DUS2: variants seen among roughly 807,000 people sequenced by gnomAD.
The protein encoded by DUS2 is tRNA-dihydrouridine(20) synthase [NAD(P)+]-like.
In DUS2, 52 loss-of-function variants were observed where a neutral mutation model predicts 71.3. The observed-to-expected ratio is 0.73, with a 90% confidence interval of 0.58 to 0.92. The LOEUF is 0.92. Ranked by LOEUF, DUS2 falls within the 40% of genes least tolerant of loss-of-function variation. The pLI is 0.00. For missense variants in DUS2, 558 were observed against 622.6 expected, an observed-to-expected ratio of 0.90 and a Z score of 1.10; for synonymous variants, 204 against 227.8, an observed-to-expected ratio of 0.90 and a Z score of 0.94.
At position 68,025,445 on chromosome 16, in the gene DUS2, C is replaced by T. The variant is rs1273644687; in HGVS notation, c.-68C>T. 1 of 152,058 alleles carries T rather than the reference C, an allele frequency of 6.6e-6. No individual in the cohort carries two copies. Among genetic ancestry groups the T allele is most frequent in the Non-Finnish European group, 1.5e-5 (1 of 68,028 alleles). 9.4% of individuals were successfully genotyped at this position (152,058 alleles called of 1,614,324 possible). On this transcript the variant is annotated 5_prime_UTR_variant, in exon 2 of 17. Transcript: ENST00000565263. Reference sequence around the variant, plus strand: ...AAACAAAGAATTACTCTGTACAAAGCCAGAACACATATATCAAAGTAATCC... The same window carrying T: ...AAACAAAGAATTACTCTGTACAAAGTCAGAACACATATATCAAAGTAATCC...
intron 2 of DUS2, among the ~76,000 whole-genome samples, chr16:68,030,516 C>T (rs941703811): frequency 1.7e-4 from 26 of 151,946 alleles, no homozygotes; most frequent in African/African-American, 6.3e-4. Context: ...GCTCGAACCT[C>T]GGAGGTGGAG....
intron 4 of DUS2, among the ~76,000 whole-genome samples, chr16:68,051,792 A>G (rs1236742077): frequency 6.6e-6 from 1 of 152,234 alleles, no homozygotes; most frequent in Non-Finnish European, 1.5e-5. Context: ...ATGCCGAAAC[A>G]AAGCTTATTC....
At chr16:68,076,748 A>G (rs1006040080) in intron 15 of DUS2, 29 bp downstream of exon 15, 1 of 1,570,162 alleles carries the variant, frequency 6.4e-7, no homozygotes. Context: ...CCTGCCCTGC[A>G]GCCAGTCACA....
At chr16:68,037,698 T>C (rs2033553219) in intron 2 of DUS2, among the ~76,000 whole-genome samples, 1 of 151,982 alleles carries the variant, frequency 6.6e-6, no homozygotes, top group Admixed American at 6.6e-5. Flanking sequence ...GGATTACAGA[T>C]GTGAACCATC....
intron 8 of DUS2, among the ~76,000 whole-genome samples, chr16:68,063,432 T>G (rs916475558): frequency 2.0e-5 from 3 of 152,210 alleles, no homozygotes; most frequent in Non-Finnish European, 4.4e-5. Flanking sequence ...GATTCTTGTT[T>G]GGGGTTATGA....
chr16:68,042,860 C>T (rs896260092), intron 3 of DUS2, among the ~76,000 whole-genome samples: 8 of 152,002 alleles, frequency 5.3e-5, no homozygotes, highest in Non-Finnish European at 8.8e-5. Flanking sequence ...AGGCATGCAC[C>T]ACTACACCTG....
chr16:68,028,286 A>T (rs539876659), intron 2 of DUS2, among the ~76,000 whole-genome samples: 29 of 152,212 alleles, frequency 1.9e-4, no homozygotes, highest in African/African-American at 6.3e-4. Context: ...TATACCTCAC[A>T]CGCTGCCTTG....
intron 10 of DUS2, 72 bp from the exon 11 acceptor site, chr16:68,070,062 T>G (rs2034061620): frequency 1.6e-5 from 22 of 1,395,126 alleles, no homozygotes; most frequent in African/African-American, 4.2e-5. Context: ...AAGGTTTGGC[T>G]GAGGTAACCC....
At chr16:68,059,926 T>G (rs2033916412) in intron 7 of DUS2, among the ~76,000 whole-genome samples, 1 of 152,162 alleles carries the variant, frequency 6.6e-6, no homozygotes, top group Admixed American at 6.5e-5. Context: ...ACCATTACTA[T>G]TATCAAGATT....
intron 12 of DUS2, 27 bp downstream of exon 12, chr16:68,071,135 A>G: frequency 6.2e-7 from 1 of 1,611,874 alleles, no homozygotes; most frequent in Non-Finnish European, 8.5e-7. Context: ...TTTCAAAACA[A>G]GCATTTCTCA....
chr16:68,023,457 G>A, intron 1 of DUS2, 106 bp downstream of exon 1: 1 of 546,084 alleles, frequency 1.8e-6, no homozygotes, highest in South Asian at 2.5e-5. Context: ...GGCGGCAGTG[G>A]GGCCTTGACC....
chr16:68,070,615 C>T (rs1374821051), intron 11 of DUS2, among the ~76,000 whole-genome samples: 1 of 152,184 alleles, frequency 6.6e-6, no homozygotes, highest in East Asian at 1.9e-4. Context: ...TGGGGGTTTT[C>T]CTGTAGCCCC....
intron 2 of DUS2, among the ~76,000 whole-genome samples, chr16:68,027,714 A>G (rs2033374840): frequency 6.6e-6 from 1 of 152,256 alleles, no homozygotes; most frequent in African/African-American, 2.4e-5. Flanking sequence ...GGATAGCTCC[A>G]TGCCAGGACA....
intron 8 of DUS2, 31 bp downstream of exon 8, chr16:68,061,144 C>G: frequency 2.5e-6 from 4 of 1,610,024 alleles, no homozygotes; most frequent in Non-Finnish European, 3.4e-6. Context: ...AGCAGGGGTC[C>G]TCAAACACAG....
At chr16:68,044,636 G>A (rs1270128317) in intron 3 of DUS2, among the ~76,000 whole-genome samples, 1 of 151,860 alleles carries the variant, frequency 6.6e-6, no homozygotes, top group Non-Finnish European at 1.5e-5. Context: ...ATCTCAAAGT[G>A]ATCCGCCTGC....
In DUS2 at chr16:68,045,092, C is replaced by T. The variant is rs140029025; in HGVS notation, c.127-4413C>T. On this transcript the variant is annotated intron_variant, in intron 3 of 16. Coordinates refer to ENST00000565263, the MANE Select transcript of DUS2 (RefSeq NM_017803.5). ...ACAGGCGTGAGCCACTGTGCCCGGCCGTGTTATTCTTTTAGATGTTATTAC... is the reference window on the plus strand; with the variant it reads ...ACAGGCGTGAGCCACTGTGCCCGGCTGTGTTATTCTTTTAGATGTTATTAC... Among the ~76,000 whole-genome samples the T allele has an allele frequency of 6.4e-4, 98 of 152,172 alleles. No individual in the cohort carries two copies. In the East Asian group the frequency reaches 9.5e-3, roughly 15 times the overall value.
Position 68,066,562 on chromosome 16 carries a change from T to C in DUS2, c.484-4T>C. 1 of 1,614,184 alleles carries C rather than the reference T, an allele frequency of 6.2e-7. No individual in the cohort carries two copies. The highest frequency in any genetic ancestry group is 8.5e-7 in the Non-Finnish European group (1 of 1,180,002). The stretch of plus-strand genomic sequence containing the variant: ...TAACCATCCTGTGTGGTCCTCCTCC[T>C]CAGCTAGAAGATACCCTGAGCCTTG... On this transcript the variant is annotated splice_region_variant and splice_polypyrimidine_tract_variant and intron_variant, in intron 9 of 16. Transcript: ENST00000565263.
Position 68,077,903 on chromosome 16 carries a change from C to T in DUS2, c.1171-542C>T, listed in dbSNP as rs143874708. 1.7e-3 allele frequency: 266 copies of T among 155,514 alleles called. 1 individual carries two copies. Among genetic ancestry groups the T allele is most frequent in the South Asian group, 0.016 (85 of 5,236 alleles). The allele number at this position is 155,514 out of a possible 1,614,324, so 9.6% of individuals were successfully genotyped here. A position where few individuals can be genotyped will look rare whatever the true frequency, so the allele number is the denominator to read the frequency against. ...TTGTGTCTGTGTCCCCACTCCCCCC[C>T]ACCCCCACCACAGTGACTTTTCCAG... On this transcript the variant is annotated intron_variant, in intron 15 of 16. Transcript: ENST00000565263.
Position 68,079,252 on chromosome 16 carries a change from A to G in DUS2, c.*266A>G, listed in dbSNP as rs1297689144. The G allele has an allele frequency of 2.8e-6, 1 of 361,578 alleles. No individual in the cohort carries two copies. The highest frequency in any genetic ancestry group is 5.0e-6 in the Non-Finnish European group (1 of 199,798). The allele number at this position is 361,578 out of a possible 1,614,324, so 22.4% of individuals were successfully genotyped here. Reference sequence around the variant, plus strand: ...GGTAACTCCCCAACCTGACATTGGTACTGTGCAATAAAGACACCCCCTACC... The same window carrying G: ...GGTAACTCCCCAACCTGACATTGGTGCTGTGCAATAAAGACACCCCCTACC... On this transcript the variant is annotated 3_prime_UTR_variant, in exon 17 of 17. Coordinates refer to ENST00000565263, the MANE Select transcript of DUS2 (RefSeq NM_017803.5).
Sources: allele counts gnomAD v4.1 joint callset (sites outside exome capture counted in the v4.1 genomes callset), GRCh38; gene constraint gnomAD v4.1.1; transcripts MANE v1.5; gene names NCBI Gene and HGNC (gene_info 2026-07-23, HGNC 2026-07-21).